SERPINF2: variants seen among roughly 807,000 people sequenced by gnomAD.
SERPINF2 encodes the protein serpin family F member 2.
Under a neutral mutation model 45.0 loss-of-function variants are expected in SERPINF2, and 15 were observed. That is an observed-to-expected ratio of 0.33 (90% CI 0.22 to 0.51). The LOEUF (loss-of-function observed/expected upper bound fraction) is 0.51. SERPINF2 is among the 20% of genes least tolerant of loss of function. SERPINF2 has a pLI of 0.97. For missense variants in SERPINF2, 518 were observed against 637.4 expected, an observed-to-expected ratio of 0.81 and a Z score of 2.02; for synonymous variants, 283 against 277.9, an observed-to-expected ratio of 1.02 and a Z score of -0.18.
rs1905661535 is a variant in SERPINF2 at position 1,744,986 on chromosome 17, C to T, written c.-4-6C>T. 6.2e-7 allele frequency: 1 copy of T among 1,613,864 alleles called. No individual in the cohort carries two copies. Among genetic ancestry groups the T allele is most frequent in the East Asian group, 2.2e-5 (1 of 44,866 alleles). ...ATGGGAACAGAGCTTTCTGTCCCTGCCACAGGAACATGGCGCTGCTCTGGG... is the reference window on the plus strand; with the variant it reads ...ATGGGAACAGAGCTTTCTGTCCCTGTCACAGGAACATGGCGCTGCTCTGGG... On this transcript the variant is annotated splice_polypyrimidine_tract_variant and splice_region_variant and intron_variant, in intron 1 of 9. Transcript: ENST00000453066.
At chr17:1,750,831 G>T (rs1028939034) in intron 8 of SERPINF2, among the ~76,000 whole-genome samples, 34 of 152,146 alleles carry the variant, frequency 2.2e-4, no homozygotes, top group African/African-American at 7.7e-4. Flanking sequence ...GCCCGGGAAC[G>T]CGTCCTGGCT....
At chr17:1,746,071 A>G (rs7501750) in intron 5 of SERPINF2, among the ~76,000 whole-genome samples, 162 bp downstream of exon 5, 34,259 of 152,050 alleles carry the variant, frequency 0.23, 3,880 homozygotes, top group South Asian at 0.39. Flanking sequence ...TGTAATCCCA[A>G]CACTTTGGGA....
chr17:1,748,385 G>A lies in SERPINF2; in HGVS notation c.716-213G>A, dbSNP rs75020153. On this transcript the variant is annotated intron_variant, in intron 7 of 9. Coordinates refer to ENST00000453066, the MANE Select transcript of SERPINF2 (RefSeq NM_000934.4). ...AAACACAAGCCCAGATTTCAAAAAT[G>A]CTACGGGAAAGAGACCTTAGATCAA... is the stretch of plus-strand genomic sequence containing the variant. 1.9e-3 allele frequency among the ~76,000 whole-genome samples: 291 copies of A among 152,136 alleles called. 2 individuals carry two copies. The highest frequency in any genetic ancestry group is 6.7e-3 in the African/African-American group (280 of 41,518).
chr17:1,744,992 G>C lies in SERPINF2; in HGVS notation c.-4G>C. 1 of 1,613,870 alleles carries C rather than the reference G, an allele frequency of 6.2e-7. No homozygotes were observed. The highest frequency in any genetic ancestry group is 1.3e-5 in the African/African-American group (1 of 75,018). On this transcript the variant is annotated splice_region_variant and 5_prime_UTR_variant, in exon 2 of 10. Coordinates refer to ENST00000453066, the MANE Select transcript of SERPINF2 (RefSeq NM_000934.4). ...ACAGAGCTTTCTGTCCCTGCCACAG[G>C]AACATGGCGCTGCTCTGGGGGCTCC... is the stretch of plus-strand genomic sequence containing the variant.
Position 1,754,595 on chromosome 17 carries a change from C to G in SERPINF2, c.*61C>G, listed in dbSNP as rs1158790638. On this transcript the variant is annotated 3_prime_UTR_variant, in exon 10 of 10. Transcript: ENST00000453066. ...GACCAGCCTCTCCACTCATGTGACT[C>G]TTTCCAACCGGCTTTGTGGCACTGG... 1 of 1,510,852 alleles carries G rather than the reference C, an allele frequency of 6.6e-7. No homozygotes were observed. The highest frequency in any genetic ancestry group is 1.4e-5 in the African/African-American group (1 of 71,760). 93.6% of individuals were successfully genotyped at this position (1,510,852 alleles called of 1,614,324 possible).
At chr17:1,743,715 C>CAAAAAA (rs61163841) in intron 1 of SERPINF2, among the ~76,000 whole-genome samples, 6 of 33,702 alleles carry the variant, frequency 1.8e-4, no homozygotes, top group Admixed American at 3.0e-4. Context: ...AACTCCATCT[C>CAAAAAA]AAAAAAAAAA....
intron 9 of SERPINF2, among the ~76,000 whole-genome samples, chr17:1,753,803 C>G (rs1292201639): frequency 1.3e-5 from 2 of 152,254 alleles, no homozygotes; most frequent in Admixed American, 1.3e-4. Context: ...CATGTACAAA[C>G]AGCTGAGTCT....
chr17:1,751,742 A>G lies in SERPINF2; in HGVS notation c.859-844A>G, dbSNP rs1419411332. ...GCACTCCAGCCTGGGCGACAGTGCG[A>G]GACTCCAACTCAAAAGAAAAGAAAA... On this transcript the variant is annotated intron_variant, in intron 8 of 9. Coordinates refer to ENST00000453066, the MANE Select transcript of SERPINF2 (RefSeq NM_000934.4). Among the ~76,000 whole-genome samples the G allele has an allele frequency of 2.9e-5, 4 of 137,872 alleles. 2 individuals are homozygous for G. In the East Asian group the frequency reaches 1.1e-3, roughly 39 times the overall value. The allele number at this position is 137,872 out of a possible 152,430, so 90.4% of individuals were successfully genotyped here.
At chr17:1,746,549 C>T (rs1905843009) in intron 5 of SERPINF2, among the ~76,000 whole-genome samples, 1 of 151,584 alleles carries the variant, frequency 6.6e-6, no homozygotes, top group Non-Finnish European at 1.5e-5. Context: ...GCCTCAGCCT[C>T]CCAAATAGCT....
In SERPINF2 at chr17:1,747,454, C is replaced by A. The variant is rs201169280; in HGVS notation, c.657C>A (p.Phe219Leu). 80 of 1,614,168 alleles carry A rather than the reference C, an allele frequency of 5.0e-5. No individual in the cohort carries two copies. Among genetic ancestry groups the A allele is most frequent in the Non-Finnish European group, 6.5e-5 (77 of 1,180,040 alleles). ...CCACGGAGGGGAAGATTCAGGAATT[C>A]CTCTCTGGGCTGCCGGAAGACACCG... The part of the protein sequence containing the change: ...KEATEGKIQE[F>L]LSGLPEDTVL... Residue 219 changes from phenylalanine to leucine, a missense_variant, in exon 7 of 10, where the codon TTC (phenylalanine) becomes TTA (leucine). This residue lies in a region of SERPINF2 where 435 missense variants were observed against 577.3 expected (regional missense o/e 0.75). Transcript: ENST00000453066.
intron 9 of SERPINF2, 83 bp from the exon 10 acceptor site, chr17:1,754,039 G>C: frequency 6.6e-7 from 1 of 1,524,772 alleles, no homozygotes; most frequent in African/African-American, 1.4e-5. Context: ...TCCCTGGCCA[G>C]GATCTCAGAC....
In SERPINF2 at chr17:1,747,625, C is replaced by T. The variant is rs561718644; in HGVS notation, c.715+113C>T. On this transcript the variant is annotated intron_variant, in intron 7 of 9. Transcript: ENST00000453066. ...TGTCACCCAGGGTGGAGCGCAGTGG[C>T]GCGATCTCGGCTCCCTGCAACCTCC... 97 of 1,213,432 alleles carry T rather than the reference C, an allele frequency of 8.0e-5. 1 individual carries two copies. The East Asian group carries it at 2.3e-3, about 29-fold the overall frequency. 75.2% of individuals were successfully genotyped at this position (1,213,432 alleles called of 1,614,324 possible).
intron 7 of SERPINF2, among the ~76,000 whole-genome samples, chr17:1,748,108 G>T (rs1409085159): frequency 1.3e-5 from 2 of 151,832 alleles, no homozygotes; most frequent in Non-Finnish European, 2.9e-5. Flanking sequence ...GACCATCCTG[G>T]CTAACACGGT....
chr17:1,747,319 C>T lies in SERPINF2; in HGVS notation c.522C>T (p.Ile174=). 1 of 1,613,926 alleles carries T rather than the reference C, an allele frequency of 6.2e-7. No individual in the cohort carries two copies. Among genetic ancestry groups the T allele is most frequent in the Middle Eastern group, 1.6e-4 (1 of 6,062 alleles). The change falls in exon 7 of 10, where the codon ATC becomes ATT. Residue 174 remains isoleucine, a synonymous_variant. Transcript: ENST00000453066. ...ARMYLQKGFP[I]KEDFLEQSEQ... The stretch of plus-strand genomic sequence containing the variant: ...GCTGCCTCCGTGCAGGATTTCCCAT[C>T]AAAGAAGATTTCCTGGAACAATCCG...
At chr17:1,744,811 C>T in intron 1 of SERPINF2, 181 bp from the exon 2 acceptor site, 8 of 985,450 alleles carry the variant, frequency 8.1e-6, no homozygotes, top group Non-Finnish European at 9.6e-6. Flanking sequence ...GGGCGGATGT[C>T]CCAGCTGCAG....
intron 8 of SERPINF2, 68 bp downstream of exon 8, chr17:1,748,808 G>T: frequency 1.1e-6 from 1 of 869,892 alleles, no homozygotes; most frequent in Non-Finnish European, 2.0e-6. Context: ...GACAGGCTGT[G>T]GAGCAGGCAC....
Position 1,745,422 on chromosome 17 carries a change from G to T in SERPINF2, c.165+27G>T. ...TACAACCAGGTGGGGCTGGGGAAGA[G>T]TGGGCGGGGCTAGAGGGAGGAGGGC... On this transcript the variant is annotated intron_variant, in intron 4 of 9. Coordinates refer to ENST00000453066, the MANE Select transcript of SERPINF2 (RefSeq NM_000934.4). The surrounding 1 kb of genome is among the most constrained non-coding windows in gnomAD (Gnocchi z 6.2). 6.2e-7 allele frequency: 1 copy of T among 1,610,776 alleles called. No individual in the cohort carries two copies.
At position 1,745,702 on chromosome 17, in the gene SERPINF2, C is replaced by T. The variant is rs200263604; in HGVS notation, c.166-6C>T. 223 of 1,612,958 alleles carry T rather than the reference C, an allele frequency of 1.4e-4. No homozygotes were observed. Among genetic ancestry groups the T allele is most frequent in the Admixed American group, 1.0e-4 (6 of 59,998 alleles). On this transcript the variant is annotated splice_region_variant and splice_polypyrimidine_tract_variant and intron_variant, in intron 4 of 9. Transcript: ENST00000453066. This position sits in a 1 kb window ranked among gnomAD's most constrained non-coding sequence, Gnocchi z 6.2. ...GACCTCCCTGACCCCTGATCTGTCCCTGCAGGAGCCTGGTGGCCAGACTGC... is the reference window on the plus strand; with the variant it reads ...GACCTCCCTGACCCCTGATCTGTCCTTGCAGGAGCCTGGTGGCCAGACTGC...
intron 1 of SERPINF2, among the ~76,000 whole-genome samples, chr17:1,743,975 C>A (rs1905549243): frequency 6.6e-6 from 1 of 151,098 alleles, no homozygotes; most frequent in African/African-American, 2.4e-5. Flanking sequence ...CGGCTCACTG[C>A]AACCTCCGCC....
Sources: allele counts gnomAD v4.1 joint callset (sites outside exome capture counted in the v4.1 genomes callset), GRCh38; gene constraint gnomAD v4.1.1; regional missense constraint gnomAD v4.1.1; non-coding constraint Gnocchi (gnomAD v3.1); transcripts MANE v1.5; gene names NCBI Gene and HGNC (gene_info 2026-07-23, HGNC 2026-07-21).